CHM: variants seen among roughly 807,000 people sequenced by gnomAD.
The protein encoded by CHM is rab proteins geranylgeranyltransferase component A 1.
A neutral mutation model predicts 49.0 loss-of-function variants in CHM; 10 were observed. That is an observed-to-expected ratio of 0.20 (90% CI 0.13 to 0.35). CHM has a LOEUF of 0.35. Among genes scored for constraint, CHM ranks in the 10% least tolerant of loss-of-function variants. CHM has a pLI of 1.00. For synonymous variants in CHM, 184 were observed against 167.5 expected, an observed-to-expected ratio of 1.10 and a Z score of -0.76; for missense variants, 455 against 478.4, an observed-to-expected ratio of 0.95 and a Z score of 0.46.
chrX:85,877,154 C>T (rs1924467137), intron 13 of CHM, among the ~76,000 whole-genome samples: 1 of 110,733 alleles, frequency 9.0e-6, no homozygotes, highest in South Asian at 3.8e-4. Flanking sequence ...ATGATACTTT[C>T]CAATAAAGAA....
intron 2 of CHM, among the ~76,000 whole-genome samples, chrX:86,011,251 G>C (rs1933060203): frequency 9.0e-6 from 1 of 111,279 alleles, no homozygotes; most frequent in Non-Finnish European, 1.9e-5. Flanking sequence ...CATGGTACTT[G>C]AAAGCACAAA....
chrX:85,981,921 T>A, intron 2 of CHM, 112 bp from the exon 3 acceptor site: 1 of 614,655 alleles, frequency 1.6e-6, no homozygotes, highest in Non-Finnish European at 2.5e-6. Context: ...CTTTTTAATA[T>A]TACTGCCTCA....
chrX:86,040,995 T>C (rs1188748332), intron 1 of CHM, among the ~76,000 whole-genome samples: 2 of 112,288 alleles, frequency 1.8e-5, no homozygotes, highest in Admixed American at 9.4e-5. Flanking sequence ...TGAGACTGAA[T>C]AGCAGATGAT....
At chrX:85,895,848 T>G (rs1056696057) in intron 11 of CHM, among the ~76,000 whole-genome samples, 1 of 110,539 alleles carries the variant, frequency 9.0e-6, no homozygotes, top group Non-Finnish European at 1.9e-5. Context: ...ACTAAAAACA[T>G]GACCATAATT....
At chrX:85,972,490 C>T (rs957225674) in intron 4 of CHM, among the ~76,000 whole-genome samples, 5 of 113,234 alleles carry the variant, frequency 4.4e-5, no homozygotes, top group African/African-American at 6.4e-5. Context: ...GCTGCAGTCC[C>T]GAGGCCTGCC....
At chrX:85,930,401 A>C (rs780966832) in intron 8 of CHM, among the ~76,000 whole-genome samples, 3 of 111,673 alleles carry the variant, frequency 2.7e-5, no homozygotes, top group Non-Finnish European at 3.8e-5. Context: ...GTAGAAGAAA[A>C]TTAGATCAAA....
chrX:85,894,418 G>T, intron 11 of CHM, 134 bp from the exon 12 acceptor site: 1 of 457,197 alleles, frequency 2.2e-6, no homozygotes. Context: ...GGCTTGTAAG[G>T]ATTTAATTTT....
intron 12 of CHM, among the ~76,000 whole-genome samples, chrX:85,880,974 TA>T (rs1311279568): frequency 5.3e-5 from 6 of 112,278 alleles, no homozygotes; most frequent in African/African-American, 1.9e-4. Context: ...GTGCTCTTTT[TA>T]AAATTCATTG....
At position 85,957,954 on chromosome X, in the gene CHM, C is replaced by T; in HGVS notation, c.841G>A (p.Val281Ile). 1.7e-6 allele frequency: 2 copies of T among 1,210,758 alleles called. No individual in the cohort carries two copies. Among genetic ancestry groups the T allele is most frequent in the Non-Finnish European group, 2.2e-6 (2 of 894,801 alleles). Reference protein sequence around the residue: ...VEQVPCSRADVFNSKQLTMVE... With the variant: ...VEQVPCSRADIFNSKQLTMVE... ...ATAGTAAGTTGTTTGCTATTAAAGACATCTGCTCTGGAACACGGAACCTGA... is the reference window on the plus strand; with the variant it reads ...ATAGTAAGTTGTTTGCTATTAAAGATATCTGCTCTGGAACACGGAACCTGA... Residue 281 changes from valine (V) to isoleucine (I), a missense_variant, in exon 7 of 15, where the codon GTC (valine) becomes ATC (isoleucine). Coordinates refer to ENST00000357749, the MANE Select transcript of CHM (RefSeq NM_000390.4).
At chrX:85,992,408 G>C (rs772246987) in intron 2 of CHM, among the ~76,000 whole-genome samples, 21 of 111,778 alleles carry the variant, frequency 1.9e-4, no homozygotes, top group Non-Finnish European at 3.0e-4. Context: ...GTATTGATTT[G>C]CCAGATATTA....
chrX:86,019,673 C>A (rs1407498085), intron 2 of CHM: 3 of 111,892 alleles, frequency 2.7e-5, no homozygotes, highest in African/African-American at 9.7e-5. Context: ...TTATTTGTTC[C>A]TTCTCCTTTT....
chrX:85,916,310 A>G (rs1237619696), intron 8 of CHM, among the ~76,000 whole-genome samples: 1 of 112,275 alleles, frequency 8.9e-6, no homozygotes, highest in Non-Finnish European at 1.9e-5. Flanking sequence ...AACTCAAGAT[A>G]GATTAACAAC....
At chrX:85,879,164 G>A (rs1259102073) in intron 12 of CHM, 101 bp from the exon 13 acceptor site, 16 of 583,599 alleles carry the variant, frequency 2.7e-5, no homozygotes, top group Non-Finnish European at 3.9e-5. Context: ...AGCTGAGCAA[G>A]TCATGGTGGT....
chrX:85,968,609 T>C (rs1324248837), intron 4 of CHM, among the ~76,000 whole-genome samples: 2 of 111,611 alleles, frequency 1.8e-5, no homozygotes, highest in Non-Finnish European at 1.9e-5. Context: ...TAATGATGAG[T>C]CTGCTGGGGG....
intron 2 of CHM, among the ~76,000 whole-genome samples, chrX:86,016,698 G>A (rs1933319911): frequency 8.9e-6 from 1 of 112,467 alleles, no homozygotes; most frequent in Admixed American, 9.3e-5. Flanking sequence ...TGCTCATGGA[G>A]AACCTCTGCT....
intron 8 of CHM, among the ~76,000 whole-genome samples, chrX:85,921,337 C>A (rs1927777625): frequency 1.8e-5 from 2 of 111,443 alleles, no homozygotes; most frequent in South Asian, 7.6e-4. Flanking sequence ...CAGGTAGGCT[C>A]CATCTTTGGT....
chrX:85,913,094 G>A (rs1439226238), intron 8 of CHM, among the ~76,000 whole-genome samples: 4 of 100,105 alleles, frequency 4.0e-5, no homozygotes, highest in African/African-American at 1.5e-4. Flanking sequence ...GGAGGCCAAG[G>A]CAGGCAGATC....
At chrX:85,960,206 C>T (rs944465785) in intron 5 of CHM, among the ~76,000 whole-genome samples, 1 of 111,344 alleles carries the variant, frequency 9.0e-6, no homozygotes, top group Admixed American at 9.5e-5. Flanking sequence ...TCAAGGATCC[C>T]TGCATAGCCA....
intron 8 of CHM, among the ~76,000 whole-genome samples, chrX:85,935,991 A>T (rs1010318525): frequency 3.6e-5 from 4 of 112,314 alleles, no homozygotes; most frequent in African/African-American, 9.7e-5. Context: ...ATTAAATTTT[A>T]AAAAGTCAAT....
Sources: allele counts gnomAD v4.1 joint callset (sites outside exome capture counted in the v4.1 genomes callset), GRCh38; gene constraint gnomAD v4.1.1; transcripts MANE v1.5; gene names NCBI Gene and HGNC (gene_info 2026-07-23, HGNC 2026-07-21).